ST18: variants seen among roughly 807,000 people sequenced by gnomAD.
The protein encoded by ST18 is ST18 C2H2C-type zinc finger transcription factor, also known as suppression of tumorigenicity 18 protein.
Under a neutral mutation model 110.0 loss-of-function variants are expected in ST18, and 50 were observed. That is an observed-to-expected ratio of 0.45 (90% confidence interval 0.36 to 0.58). The LOEUF (loss-of-function observed/expected upper bound fraction) is 0.58. Among genes scored for constraint, ST18 ranks in the 20% least tolerant of loss-of-function variants. The probability of loss-of-function intolerance (pLI) is 0.00; values close to 1 mark genes in which losing one functional copy is unlikely to be tolerated. For synonymous variants in ST18, 461 were observed against 452.4 expected (o/e 1.02, Z -0.24); for missense variants, 1,306 against 1,280.1 (o/e 1.02, Z -0.31).
At chr8:52,378,629 ATACATAT>A (rs1338720548) in intron 2 of ST18, among the ~76,000 whole-genome samples, 1 of 152,230 alleles carries the variant, frequency 6.6e-6, no homozygotes, top group African/African-American at 2.4e-5. Context: ...TAAATCCTAT[ATACATAT>A]ATGACCCAAG....
chr8:52,290,385 G>C (rs1288943293), intron 2 of ST18, among the ~76,000 whole-genome samples: 1 of 152,226 alleles, frequency 6.6e-6, no homozygotes, highest in Non-Finnish European at 1.5e-5. Context: ...GACCTGCTCA[G>C]AGGTGAAGAT....
rs375580692 is a variant in ST18 at position 52,188,350 on chromosome 8, G to C, written c.87-8038C>G. Reference sequence around the variant, plus strand: ...GAGGTTAGATAAGGGAGAAAATGCAGAAACAGTGGGGCACAGGATTGCAGG... The same window carrying C: ...GAGGTTAGATAAGGGAGAAAATGCACAAACAGTGGGGCACAGGATTGCAGG... On this transcript the variant is annotated intron_variant, in intron 8 of 25. Coordinates refer to ENST00000689386, the MANE Select transcript of ST18 (RefSeq NM_001352837.2). 6.6e-5 allele frequency among the ~76,000 whole-genome samples: 10 copies of C among 152,312 alleles called. 1 individual carries two copies. Among genetic ancestry groups the C allele is most frequent in the African/African-American group, 2.2e-4 (9 of 41,578 alleles).
At chr8:52,172,661 A>G (rs1282698825) in intron 9 of ST18, 78 bp from the exon 10 acceptor site, 3 of 1,160,640 alleles carry the variant, frequency 2.6e-6, no homozygotes, top group East Asian at 5.1e-5. Flanking sequence ...TTATATGTAT[A>G]TAAACATATG....
In ST18 at chr8:52,137,440, T is replaced by G. The variant is rs752070088; in HGVS notation, c.2212A>C (p.Asn738His). The change falls in exon 18 of 26, where the codon AAC becomes CAC. Residue 738 changes from asparagine (N) to histidine (H), a missense_variant. Coordinates refer to ENST00000689386, the MANE Select transcript of ST18 (RefSeq NM_001352837.2). Reference protein sequence around the residue: ...GCDGSGHVTGNYASHRSVSGC... With the variant: ...GCDGSGHVTGHYASHRSVSGC... ...GGGTACCTGCGATGAGATGCATAGTTTCCTGTCACGTGGCCACTTCCATCA... is the reference window on the plus strand; with the variant it reads ...GGGTACCTGCGATGAGATGCATAGTGTCCTGTCACGTGGCCACTTCCATCA... 3 of 1,614,112 alleles carry G rather than the reference T, an allele frequency of 1.9e-6. 1 individual carries two copies. The South Asian group carries it at 3.3e-5, about 18-fold the overall frequency.
At chr8:52,175,887 T>C (rs1470797040) in intron 9 of ST18, among the ~76,000 whole-genome samples, 1 of 152,208 alleles carries the variant, frequency 6.6e-6, no homozygotes, top group Non-Finnish European at 1.5e-5. Context: ...GAAGGCTGTA[T>C]GTCCTGGCTG....
At chr8:52,287,498 C>T (rs942379932) in intron 2 of ST18, among the ~76,000 whole-genome samples, 2 of 152,030 alleles carry the variant, frequency 1.3e-5, no homozygotes, top group African/African-American at 4.8e-5. Context: ...AAGCTTAGTC[C>T]AGTTGAAGGG....
At chr8:52,118,847 T>A (rs1037190977) in intron 23 of ST18, among the ~76,000 whole-genome samples, 5 of 152,100 alleles carry the variant, frequency 3.3e-5, no homozygotes, top group Admixed American at 6.5e-5. Context: ...CTGCCCAAGT[T>A]CAAATTAAGA....
intron 2 of ST18, among the ~76,000 whole-genome samples, chr8:52,402,419 C>T (rs1233545836): frequency 6.6e-6 from 1 of 152,118 alleles, no homozygotes; most frequent in Non-Finnish European, 1.5e-5. Flanking sequence ...GACTGTGACT[C>T]TAAGGCATTT....
At chr8:52,346,805 G>A (rs2140271579) in intron 2 of ST18, among the ~76,000 whole-genome samples, 1 of 152,286 alleles carries the variant, frequency 6.6e-6, no homozygotes, top group East Asian at 1.9e-4. Flanking sequence ...CGAGGGTGGG[G>A]AGAGATGGAG....
intron 2 of ST18, among the ~76,000 whole-genome samples, chr8:52,383,445 C>T (rs961955853): frequency 6.6e-6 from 1 of 151,898 alleles, no homozygotes; most frequent in Non-Finnish European, 1.5e-5. Context: ...TTTTTATTTA[C>T]TTTTATTATA....
At chr8:52,209,630 C>A (rs148987293) in intron 8 of ST18, among the ~76,000 whole-genome samples, 2,533 of 151,688 alleles carry the variant, frequency 0.017, 69 homozygotes, top group African/African-American at 0.058. Context: ...ATTAGCCCGG[C>A]ATGGTGGCTC....
At chr8:52,343,120 CAT>C (rs1815933798) in intron 2 of ST18, among the ~76,000 whole-genome samples, 1 of 152,080 alleles carries the variant, frequency 6.6e-6, no homozygotes. Flanking sequence ...AGGTGCCTAT[CAT>C]AAACAAGAGA....
intron 16 of ST18, among the ~76,000 whole-genome samples, chr8:52,143,544 A>T (rs930846545): frequency 6.6e-6 from 1 of 152,178 alleles, no homozygotes; most frequent in Non-Finnish European, 1.5e-5. Flanking sequence ...GTTGTTACAG[A>T]TCTTTATCCT....
At chr8:52,330,840 T>C (rs1808949478) in intron 2 of ST18, among the ~76,000 whole-genome samples, 1 of 152,062 alleles carries the variant, frequency 6.6e-6, no homozygotes, top group Non-Finnish European at 1.5e-5. Context: ...CACGTGTGTG[T>C]ACATCTTAGC....
At chr8:52,288,912 C>A (rs1161868223) in intron 2 of ST18, among the ~76,000 whole-genome samples, 1 of 152,076 alleles carries the variant, frequency 6.6e-6, no homozygotes, top group Non-Finnish European at 1.5e-5. Context: ...GTGGGCTTTG[C>A]TGACTCCACC....
intron 2 of ST18, among the ~76,000 whole-genome samples, chr8:52,339,654 G>A (rs751697475): frequency 4.7e-4 from 72 of 152,220 alleles, no homozygotes; most frequent in Admixed American, 7.2e-4. Context: ...AAAGACGGCT[G>A]AGCTCACTCC....
intron 3 of ST18, among the ~76,000 whole-genome samples, chr8:52,227,969 GA>G (rs1001907314): frequency 6.6e-6 from 1 of 152,108 alleles, no homozygotes; most frequent in African/African-American, 2.4e-5. Context: ...GAATTGAATT[GA>G]AATAAGCAAA....
chr8:52,122,831 T>G (rs2045514265), intron 23 of ST18, among the ~76,000 whole-genome samples: 2 of 59,098 alleles, frequency 3.4e-5, no homozygotes, highest in South Asian at 7.7e-4. Context: ...ATTGTACTAT[T>G]TTTTTTTATT....
intron 2 of ST18, among the ~76,000 whole-genome samples, chr8:52,272,019 GAGACT>G (rs773279907): frequency 6.6e-6 from 1 of 152,126 alleles, no homozygotes; most frequent in Non-Finnish European, 1.5e-5. Flanking sequence ...GAACTATCTG[GAGACT>G]CTTATCTTAC....
Sources: allele counts gnomAD v4.1 joint callset (sites outside exome capture counted in the v4.1 genomes callset), GRCh38; gene constraint gnomAD v4.1.1; transcripts MANE v1.5; gene names NCBI Gene and HGNC (gene_info 2026-07-23, HGNC 2026-07-21).